Variants in DENND2C observed in about 807,000 individuals in gnomAD.
DENND2C encodes DENN domain containing 2C.
A neutral mutation model predicts 112.4 loss-of-function variants in DENND2C; 72 were observed. The ratio of observed to expected loss-of-function variants is 0.64; its 90% CI spans 0.53 to 0.78. DENND2C has a LOEUF of 0.78. Ranked by LOEUF, DENND2C falls within the 30% of genes least tolerant of loss-of-function variation. The pLI is 0.00. For synonymous variants in DENND2C, 329 were observed against 381.6 expected, an observed-to-expected ratio of 0.86 and a Z score of 1.61; for missense variants, 992 against 1,113.8, an observed-to-expected ratio of 0.89 and a Z score of 1.56.
At position 114,618,411 on chromosome 1, in the gene DENND2C, A is replaced by C. The variant is rs1656060391; in HGVS notation, c.1299T>G (p.Thr433=). The change falls in exon 8 of 21, where the codon ACT becomes ACG. Residue 433 remains threonine, a synonymous_variant. Transcript: ENST00000393274. ...GKKKVKLHSY[T]GKELPPTKGE... ...CTTTTGTCGGAGGTAATTCCTTTCC[A>C]GTGTAAGAATGTAACTTTACCTTCT... 6.3e-7 allele frequency: 1 copy of C among 1,591,820 alleles called. No homozygotes were observed. The highest frequency in any genetic ancestry group is 1.8e-5 in the Admixed American group (1 of 54,592).
chr1:114,664,905 C>G (rs993425321), intron 1 of DENND2C, among the ~76,000 whole-genome samples: 21 of 146,542 alleles, frequency 1.4e-4, no homozygotes, highest in Middle Eastern at 3.2e-3. Context: ...CCAGCCTGAT[C>G]AATATGGTGA....
intron 1 of DENND2C, 130 bp downstream of exon 1, chr1:114,669,853 C>G (rs1260297950): frequency 1.3e-5 from 2 of 152,250 alleles, no homozygotes; most frequent in African/African-American, 4.8e-5. Flanking sequence ...CAGCTCGGCT[C>G]GCACCGTCCG....
At chr1:114,596,750 G>GT (rs146259593) in intron 16 of DENND2C, among the ~76,000 whole-genome samples, 6 of 151,630 alleles carry the variant, frequency 4.0e-5, no homozygotes, top group Non-Finnish European at 5.9e-5. Context: ...AAAATAAAAA[G>GT]TTTTTTTTTA....
chr1:114,609,439 A>G (rs1226179224), intron 9 of DENND2C, among the ~76,000 whole-genome samples: 1 of 152,260 alleles, frequency 6.6e-6, no homozygotes, highest in African/African-American at 2.4e-5. Context: ...TACTTGTATC[A>G]GTAAATGGTG....
At chr1:114,647,735 T>C (rs1657034060) in intron 2 of DENND2C, among the ~76,000 whole-genome samples, 1 of 151,854 alleles carries the variant, frequency 6.6e-6, no homozygotes, top group Non-Finnish European at 1.5e-5. Context: ...TAGCATATAT[T>C]TTAAATAATT....
intron 8 of DENND2C, among the ~76,000 whole-genome samples, chr1:114,613,396 C>A (rs779579273): frequency 5.3e-5 from 8 of 152,100 alleles, no homozygotes; most frequent in Admixed American, 1.3e-4. Context: ...AATAAGAGAA[C>A]ATTAAAATAA....
Position 114,585,367 on chromosome 1 carries a change from TA to T in DENND2C, c.*232del, listed in dbSNP as rs375699722. 0.017 allele frequency: 6,651 copies of T among 381,846 alleles called. No homozygotes were observed. The highest frequency in any genetic ancestry group is 0.024 in the East Asian group (603 of 25,134). 23.7% of individuals were successfully genotyped at this position (381,846 alleles called of 1,614,324 possible). A position where few individuals can be genotyped will look rare whatever the true frequency, so the allele number is the denominator to read the frequency against. ...AAGAATCACATAGAAAAGGCTGCTA[TA>T]AAAAAAAAATGGAGACAGAGTAAAG... On this transcript the variant is annotated 3_prime_UTR_variant, in exon 21 of 21. Coordinates refer to ENST00000393274, the MANE Select transcript of DENND2C (RefSeq NM_001256404.2).
chr1:114,630,977 A>AC (rs1656473294), intron 3 of DENND2C, among the ~76,000 whole-genome samples: 1 of 152,234 alleles, frequency 6.6e-6, no homozygotes, highest in Non-Finnish European at 1.5e-5. Flanking sequence ...TCTTAGAGCC[A>AC]CCCTAACAAG....
At position 114,584,119 on chromosome 1, in the gene DENND2C, G is replaced by T. The variant is rs1484655995; in HGVS notation, c.*1481C>A. On this transcript the variant is annotated 3_prime_UTR_variant, in exon 21 of 21. Coordinates refer to ENST00000393274, the MANE Select transcript of DENND2C (RefSeq NM_001256404.2). ...TAATAGAAAATTTTTATTAATAAAA[G>T]AAATAGCTATATAATCCTACTGAGA... The T allele has an allele frequency of 6.6e-6, 1 of 152,054 alleles. No homozygotes were observed. The highest frequency in any genetic ancestry group is 1.5e-5 in the Non-Finnish European group (1 of 68,020). The allele number at this position is 152,054 out of a possible 1,614,324, so 9.4% of individuals were successfully genotyped here.
chr1:114,621,469 C>A lies in DENND2C; in HGVS notation c.1227+426G>T, dbSNP rs1656163528. On this transcript the variant is annotated intron_variant, in intron 7 of 20. Transcript: ENST00000393274. ...TTTTTTTCTTTGGAAATTTTTGCCCCAAATAAATGGCATATACTTTTTCAT... is the reference window on the plus strand; with the variant it reads ...TTTTTTTCTTTGGAAATTTTTGCCCAAAATAAATGGCATATACTTTTTCAT... Among the ~76,000 whole-genome samples the A allele has an allele frequency of 3.3e-5, 5 of 152,202 alleles. No homozygotes were observed. The South Asian group carries it at 1.0e-3, about 32-fold the overall frequency.
chr1:114,640,816 A>G (rs902824127), intron 3 of DENND2C, among the ~76,000 whole-genome samples: 2 of 152,246 alleles, frequency 1.3e-5, no homozygotes, highest in Admixed American at 1.3e-4. Flanking sequence ...ATTTAACACA[A>G]AACACAATTT....
chr1:114,669,741 G>A (rs901564052), intron 1 of DENND2C, among the ~76,000 whole-genome samples: 3 of 151,996 alleles, frequency 2.0e-5, no homozygotes, highest in Non-Finnish European at 4.4e-5. Flanking sequence ...GCCACAACCC[G>A]TGCGGCCACG....
chr1:114,604,060 A>G (rs960913011), intron 11 of DENND2C, among the ~76,000 whole-genome samples: 10 of 152,186 alleles, frequency 6.6e-5, no homozygotes, highest in Non-Finnish European at 1.0e-4. Context: ...CCAGGCCACT[A>G]TGAAAGCTGC....
At position 114,604,922 on chromosome 1, in the gene DENND2C, C is replaced by A; in HGVS notation, c.1667G>T (p.Ser556Ile). 6.2e-7 allele frequency: 1 copy of A among 1,606,174 alleles called. No homozygotes were observed. Among genetic ancestry groups the A allele is most frequent in the Non-Finnish European group, 8.5e-7 (1 of 1,173,484 alleles). ...AAATCAGATAAATTAGCCCATTTAC[C>A]TCTTGAGTTCTGAGGTTGGCATCCA... ...KDWMPTSELK[S>I]ETFSFVLTGE... The change falls in exon 11 of 21, where the codon AGT becomes ATT. Residue 556 changes from serine (S) to isoleucine (I), a missense_variant and splice_region_variant. Coordinates refer to ENST00000393274, the MANE Select transcript of DENND2C (RefSeq NM_001256404.2).
At chr1:114,659,668 T>G (rs1174077507) in intron 1 of DENND2C, among the ~76,000 whole-genome samples, 2 of 152,198 alleles carry the variant, frequency 1.3e-5, no homozygotes, top group Non-Finnish European at 2.9e-5. Flanking sequence ...GCAGCAACTT[T>G]GCAAATTTTG....
In DENND2C at chr1:114,585,597, A is replaced by G. The variant is rs1255843191; in HGVS notation, c.*3T>C. On this transcript the variant is annotated 3_prime_UTR_variant, in exon 21 of 21. Coordinates refer to ENST00000393274, the MANE Select transcript of DENND2C (RefSeq NM_001256404.2). ...ATATTCAGGATGGAGACAATCAGAG[A>G]TTTCATTTCTTTTGCAGAAATTTCA... 6.2e-7 allele frequency: 1 copy of G among 1,613,872 alleles called. No homozygotes were observed.
chr1:114,623,030 G>C lies in DENND2C; in HGVS notation c.1013C>G (p.Ala338Gly). The change falls in exon 6 of 21, where the codon GCA becomes GGA. Residue 338 changes from alanine to glycine, a missense_variant. Coordinates refer to ENST00000393274, the MANE Select transcript of DENND2C (RefSeq NM_001256404.2). ...QPLPMWRSPS[A>G]WKLPPAKSAF... is the part of the protein sequence containing the mutation. ...ACTTTTAGCGGGTGGTAGCTTCCAT[G>C]CTGAAGGGGATCTCCACATAGGTAA... 2.5e-6 allele frequency: 4 copies of C among 1,613,496 alleles called. No homozygotes were observed. Among genetic ancestry groups the C allele is most frequent in the Non-Finnish European group, 3.4e-6 (4 of 1,179,692 alleles).
Position 114,592,117 on chromosome 1 carries a change from T to C in DENND2C, c.2431+2356A>G, listed in dbSNP as rs185839620. Among the ~76,000 whole-genome samples, 142 of 152,174 alleles carry C rather than the reference T, an allele frequency of 9.3e-4. 1 individual carries two copies. Among genetic ancestry groups the C allele is most frequent in the Middle Eastern group, 3.4e-3 (1 of 294 alleles). On this transcript the variant is annotated intron_variant, in intron 18 of 20. Coordinates refer to ENST00000393274, the MANE Select transcript of DENND2C (RefSeq NM_001256404.2). ...CCAGGCTGGTCTCAAACTGCTGACC[T>C]CAAGTGATCTGCCCACCTCCGCCTC...
chr1:114,594,305 A>G (rs1655280616), intron 18 of DENND2C, among the ~76,000 whole-genome samples, 168 bp downstream of exon 18: 1 of 152,220 alleles, frequency 6.6e-6, no homozygotes, highest in Admixed American at 6.5e-5. Context: ...CCTGAAATAG[A>G]AGAGGACCTG....
Sources: gnomAD v4.1 joint callset for allele counts (sites outside exome capture counted in the v4.1 genomes callset) on GRCh38, gnomAD v4.1.1 for gene constraint, MANE v1.5 for transcripts, NCBI Gene and HGNC (gene_info 2026-07-23, HGNC 2026-07-21) for gene names.